The following SEMA3A variants were observed in gnomAD, a reference collection of about 807,000 sequenced individuals.
SEMA3A encodes the protein semaphorin 3A.
In SEMA3A, 29 loss-of-function variants were observed where a neutral mutation model predicts 97.9. The ratio of observed to expected loss-of-function variants is 0.30; its 90% confidence interval spans 0.22 to 0.40. The LOEUF is 0.40. SEMA3A is among the 10% of genes least tolerant of loss of function. SEMA3A has a pLI of 1.00. For synonymous variants in SEMA3A, 321 were observed against 323.7 expected (o/e 0.99, Z 0.09); for missense variants, 763 against 951.3 (o/e 0.80, Z 2.60).
chr7:83,979,655 G>A (rs1419644630), intron 14 of SEMA3A, among the ~76,000 whole-genome samples: 1 of 151,914 alleles, frequency 6.6e-6, no homozygotes, highest in East Asian at 1.9e-4. Context: ...AAAGTAATAC[G>A]AACATGTTAC....
chr7:84,293,552 A>C lies in SEMA3A; in HGVS notation c.-83+13655T>G, dbSNP rs750642226. 2.0e-5 allele frequency among the ~76,000 whole-genome samples: 3 copies of C among 152,042 alleles called. No individual in the cohort carries two copies. The East Asian group carries it at 5.8e-4, about 29-fold the overall frequency. On this transcript the variant is annotated intron_variant, in intron 3 of 3. Transcript: ENST00000424555. ...TATAACAATTACATATTTTGTTAAA[A>C]ATCTTAATTTTAAAAACAACATTAA...
chr7:84,434,648 A>G (rs547627078), intron 1 of SEMA3A, among the ~76,000 whole-genome samples: 1 of 152,210 alleles, frequency 6.6e-6, no homozygotes, highest in Non-Finnish European at 1.5e-5. Flanking sequence ...AGCATGTCAA[A>G]GAGTTATTTT....
intron 4 of SEMA3A, among the ~76,000 whole-genome samples, chr7:84,078,591 A>G (rs1794033946): frequency 6.6e-6 from 1 of 152,022 alleles, no homozygotes; most frequent in Admixed American, 6.6e-5. Flanking sequence ...TGGAGGTACT[A>G]TATAGTTTAG....
chr7:84,068,860 G>T (rs538159572), intron 4 of SEMA3A, among the ~76,000 whole-genome samples: 1 of 152,164 alleles, frequency 6.6e-6, no homozygotes, highest in African/African-American at 2.4e-5. Flanking sequence ...ACTATCCTTC[G>T]TCATGGTGTC....
At chr7:84,086,483 T>C (rs1230328101) in intron 4 of SEMA3A, among the ~76,000 whole-genome samples, 1 of 59,772 alleles carries the variant, frequency 1.7e-5, no homozygotes, top group African/African-American at 3.7e-5. Flanking sequence ...ATTATTATAT[T>C]ATATTTACAT....
chr7:84,117,827 T>A (rs1374714259), intron 3 of SEMA3A, among the ~76,000 whole-genome samples: 1 of 152,224 alleles, frequency 6.6e-6, no homozygotes, highest in Non-Finnish European at 1.5e-5. Flanking sequence ...TGTGTGACTA[T>A]AAGAAAGTTA....
chr7:84,375,579 C>T (rs1335006336), intron 1 of SEMA3A, among the ~76,000 whole-genome samples: 5 of 151,988 alleles, frequency 3.3e-5, no homozygotes, highest in African/African-American at 1.2e-4. Context: ...CATAATTGTA[C>T]TTATTTTTGG....
chr7:84,046,366 G>C lies in SEMA3A; in HGVS notation c.625C>G (p.His209Asp), dbSNP rs370907802. The C allele has an allele frequency of 3.7e-6, 6 of 1,613,140 alleles. No homozygotes were observed. In the Admixed American group the frequency reaches 5.0e-5, roughly 13 times the overall value. Residue 209 changes from histidine (H) to aspartate (D), a missense_variant, in exon 6 of 17, where the codon CAC becomes GAC. His to Asp is a moderately conservative substitution (Grantham distance 81). This residue lies in a region of SEMA3A where 678 missense variants were observed against 881.3 expected (regional missense o/e 0.77). Coordinates refer to ENST00000265362, the MANE Select transcript of SEMA3A (RefSeq NM_006080.3). ...TCATGCTGCTCTGTCCTGATTGGGT[G>C]GTGGTGCCCAAGAGTTCGGAAGATA... ...FAIFRTLGHHHPIRTEQHDSR... is the reference protein window; with the variant it reads ...FAIFRTLGHHDPIRTEQHDSR...
At chr7:84,018,392 CTACTGTA>C (rs888308503) in intron 6 of SEMA3A, among the ~76,000 whole-genome samples, 1 of 152,018 alleles carries the variant, frequency 6.6e-6, no homozygotes, top group Admixed American at 6.6e-5. Context: ...TGTTAAGCAC[CTACTGTA>C]TACTCTGGAT....
chr7:84,010,215 AC>A (rs1790824735), intron 9 of SEMA3A, among the ~76,000 whole-genome samples: 1 of 152,174 alleles, frequency 6.6e-6, no homozygotes, highest in Non-Finnish European at 1.5e-5. Context: ...AAAACTATTT[AC>A]ACTATGTAAA....
At chr7:84,315,277 C>T (rs28671749) in intron 2 of SEMA3A, among the ~76,000 whole-genome samples, 3,899 of 152,092 alleles carry the variant, frequency 0.026, 171 homozygotes, top group African/African-American at 0.089. Context: ...TTTTTTAACT[C>T]TTGAAAATCT....
At chr7:84,223,230 T>G (rs2116340684) in intron 3 of SEMA3A, among the ~76,000 whole-genome samples, 1 of 151,830 alleles carries the variant, frequency 6.6e-6, no homozygotes, top group African/African-American at 2.4e-5. Context: ...AGAAATAGGG[T>G]AAGAAGAAAA....
chr7:84,180,015 C>T (rs1183978786), intron 1 of SEMA3A, among the ~76,000 whole-genome samples: 7 of 142,070 alleles, frequency 4.9e-5, no homozygotes, highest in Admixed American at 2.2e-4. Context: ...GGCGCGATCT[C>T]GGCTCACCAC....
Position 84,011,270 on chromosome 7 carries a change from C to A in SEMA3A, c.838G>T (p.Val280Leu). ...KNDFGGHRSL[V>L]NKWTTFLKAR... The stretch of plus-strand genomic sequence containing the variant: ...TTGAGGAATGTTGTCCATTTATTCA[C>A]CAGACTTCTGTGCCCTCCAAAGTCA... Residue 280 changes from valine to leucine, a missense_variant, in exon 8 of 17, where the codon GTG (valine) becomes TTG (leucine). By Grantham distance (32) the Val-to-Leu change is conservative. Around this residue, in one of 2 missense-constraint regions of SEMA3A, gnomAD observed 678 missense variants for 881.3 expected, o/e 0.77. Transcript: ENST00000265362. 6.2e-7 allele frequency: 1 copy of A among 1,613,800 alleles called. No individual in the cohort carries two copies.
intron 1 of SEMA3A, among the ~76,000 whole-genome samples, chr7:84,402,957 T>A (rs1478803735): frequency 6.6e-6 from 1 of 151,702 alleles, no homozygotes; most frequent in African/African-American, 2.4e-5. Context: ...AAAAATACAG[T>A]TAGGAGTGTG....
chr7:84,088,454 CA>C (rs146017382), intron 4 of SEMA3A, among the ~76,000 whole-genome samples: 65 of 134,720 alleles, frequency 4.8e-4, no homozygotes, highest in African/African-American at 5.2e-4. Flanking sequence ...ACTCCGTTTC[CA>C]AAAAAAAAAA....
chr7:84,490,837 T>A (rs150061882), intron 1 of SEMA3A, among the ~76,000 whole-genome samples: 201 of 152,282 alleles, frequency 1.3e-3, no homozygotes, highest in African/African-American at 4.5e-3. Context: ...TTGACACGGT[T>A]ACGGCATTCA....
chr7:84,335,230 T>C (rs1802007991), intron 2 of SEMA3A, among the ~76,000 whole-genome samples: 1 of 152,174 alleles, frequency 6.6e-6, no homozygotes, highest in Admixed American at 6.6e-5. Context: ...AAAATAGATA[T>C]AATTGTACAT....
At chr7:84,290,791 T>G (rs1477349809) in intron 3 of SEMA3A, among the ~76,000 whole-genome samples, 1 of 152,140 alleles carries the variant, frequency 6.6e-6, no homozygotes, top group East Asian at 1.9e-4. Context: ...GAGATGAACA[T>G]TTAACTGTGG....
Sources: allele counts gnomAD v4.1 joint callset (sites outside exome capture counted in the v4.1 genomes callset), GRCh38; gene constraint gnomAD v4.1.1; regional missense constraint gnomAD v4.1.1; transcripts MANE v1.5; gene names NCBI Gene and HGNC (gene_info 2026-07-23, HGNC 2026-07-21).